WARS2: variants seen among roughly 807,000 people sequenced by gnomAD.
WARS2 encodes tryptophanyl tRNA synthetase 2, mitochondrial, also known as tryptophan--tRNA ligase, mitochondrial.
Under a neutral mutation model 36.5 loss-of-function variants are expected in WARS2, and 28 were observed. That is an observed-to-expected ratio of 0.77 (90% confidence interval 0.57 to 1.05). WARS2 has a LOEUF of 1.05. Among genes scored for constraint, WARS2 ranks in the 50% least tolerant of loss-of-function variants. The probability of loss-of-function intolerance (pLI) is 0.00; values close to 1 mark genes in which losing one functional copy is unlikely to be tolerated. For synonymous variants in WARS2, 174 were observed against 178.4 expected (o/e 0.98, Z 0.20); for missense variants, 435 against 456.8 (o/e 0.95, Z 0.44).
chr1:119,115,514 A>G (rs956604497), intron 1 of WARS2, among the ~76,000 whole-genome samples: 1 of 152,142 alleles, frequency 6.6e-6, no homozygotes, highest in South Asian at 2.1e-4. Context: ...CAGCAACCCA[A>G]TGTAGCATAG....
intron 2 of WARS2, 35 bp from the exon 3 acceptor site, chr1:119,045,697 C>T: frequency 6.6e-7 from 1 of 1,526,066 alleles, no homozygotes; most frequent in Non-Finnish European, 8.9e-7. Context: ...GTAAAGGTGG[C>T]CAGTGTTTTC....
chr1:119,101,141 G>A (rs947383587), intron 1 of WARS2, among the ~76,000 whole-genome samples: 4 of 152,112 alleles, frequency 2.6e-5, no homozygotes, highest in African/African-American at 9.7e-5. Context: ...TAAATTCAAT[G>A]TTTGGCAGCA....
At chr1:119,120,897 T>C (rs949305967) in intron 1 of WARS2, among the ~76,000 whole-genome samples, 2 of 151,952 alleles carry the variant, frequency 1.3e-5, no homozygotes, top group Non-Finnish European at 2.9e-5. Context: ...ATATATCTTA[T>C]GGTAATAAAA....
intron 1 of WARS2, among the ~76,000 whole-genome samples, chr1:119,082,186 T>C (rs2101354230): frequency 6.6e-6 from 1 of 152,304 alleles, no homozygotes; most frequent in East Asian, 1.9e-4. Flanking sequence ...CTTAAGGGCA[T>C]AAATGATAAG....
chr1:119,105,781 C>T (rs951026453), intron 1 of WARS2, among the ~76,000 whole-genome samples: 3 of 152,016 alleles, frequency 2.0e-5, no homozygotes, highest in Non-Finnish European at 4.4e-5. Flanking sequence ...TGTGGTAATG[C>T]GCGCTTGTAA....
rs368347174 is a variant in WARS2, at chr1:119,125,262, T to C, written c.90+15293A>G. Among the ~76,000 whole-genome samples, 15 of 152,258 alleles carry C rather than the reference T, an allele frequency of 9.9e-5. No individual in the cohort carries two copies. In the East Asian group the frequency reaches 2.7e-3, roughly 27 times the overall value. On this transcript the variant is annotated intron_variant, in intron 1 of 5. Transcript: ENST00000235521. ...TACTTTGTACATGTTCTCACCACCT[T>C]CAGGTCTTCCATTAAAAGTCACCTT...
chr1:119,063,823 C>T (rs551852217), intron 2 of WARS2: 24 of 152,212 alleles, frequency 1.6e-4, no homozygotes, highest in South Asian at 2.1e-4. Flanking sequence ...GATGCCCAGA[C>T]AAAAGTTTGC....
intron 2 of WARS2, among the ~76,000 whole-genome samples, chr1:119,047,192 C>T (rs1420855978): frequency 1.3e-5 from 2 of 152,158 alleles, no homozygotes; most frequent in African/African-American, 2.4e-5. Flanking sequence ...GGCAAGAGGA[C>T]TAGAGTTGCT....
At chr1:119,129,817 T>C (rs1488259928) in intron 1 of WARS2, among the ~76,000 whole-genome samples, 2 of 152,364 alleles carry the variant, frequency 1.3e-5, no homozygotes, top group East Asian at 3.9e-4. Context: ...TAATGACAAT[T>C]TGGTAAGCAA....
chr1:119,041,435 T>C (rs1248408659), intron 4 of WARS2, among the ~76,000 whole-genome samples: 3 of 152,156 alleles, frequency 2.0e-5, no homozygotes, highest in African/African-American at 7.2e-5. Flanking sequence ...TGTATATTTT[T>C]GAGGACTTTA....
intron 1 of WARS2, among the ~76,000 whole-genome samples, chr1:119,126,139 T>C (rs1655639107): frequency 6.6e-6 from 1 of 152,090 alleles, no homozygotes; most frequent in Non-Finnish European, 1.5e-5. Flanking sequence ...TCACTTGGAC[T>C]ATGTTCTCCC....
At chr1:119,103,625 C>T (rs1447649301) in intron 1 of WARS2, among the ~76,000 whole-genome samples, 3 of 151,688 alleles carry the variant, frequency 2.0e-5, no homozygotes, top group East Asian at 3.9e-4. Context: ...CTTCACCATA[C>T]TAGATTTTAA....
chr1:119,072,077 TG>T (rs1254906780), intron 2 of WARS2, among the ~76,000 whole-genome samples: 3 of 152,330 alleles, frequency 2.0e-5, no homozygotes, highest in East Asian at 3.9e-4. Flanking sequence ...AATGGGGTCA[TG>T]TGGCTAAGAT....
intron 2 of WARS2, among the ~76,000 whole-genome samples, chr1:119,070,620 G>A (rs1651225614): frequency 6.6e-6 from 1 of 151,696 alleles, no homozygotes; most frequent in Non-Finnish European, 1.5e-5. Flanking sequence ...GCTCACACCT[G>A]TACTCCCAGC....
In WARS2 at chr1:119,091,125, T is replaced by C. The variant is rs587625982; in HGVS notation, c.91-14518A>G. On this transcript the variant is annotated intron_variant, in intron 1 of 5. Coordinates refer to ENST00000235521, the MANE Select transcript of WARS2 (RefSeq NM_015836.4). ...TAGTGTAATCTAAAGGACTTGAGTT[T>C]TGAGGATCAGACAGTGCTAGGTTCA... 2.5e-4 allele frequency among the ~76,000 whole-genome samples: 38 copies of C among 152,340 alleles called. No homozygotes were observed. In the South Asian group the frequency reaches 7.9e-3, roughly 32 times the overall value.
chr1:119,134,520 T>C (rs1202098147), intron 1 of WARS2, among the ~76,000 whole-genome samples: 1 of 152,026 alleles, frequency 6.6e-6, no homozygotes, highest in Non-Finnish European at 1.5e-5. Context: ...ACTCAGGTGA[T>C]GGGTCAGTGC....
chr1:119,068,099 A>C (rs1651017029), intron 2 of WARS2, among the ~76,000 whole-genome samples: 1 of 152,198 alleles, frequency 6.6e-6, no homozygotes, highest in African/African-American at 2.4e-5. Context: ...GGTGATGCCA[A>C]TTTTACAAAT....
chr1:119,132,667 A>G (rs587649560), intron 1 of WARS2, among the ~76,000 whole-genome samples: 3 of 152,294 alleles, frequency 2.0e-5, no homozygotes, highest in Admixed American at 2.0e-4. Flanking sequence ...TTATTCATAT[A>G]ATAAAGTTGA....
chr1:119,054,241 A>T (rs1262302116), intron 2 of WARS2, among the ~76,000 whole-genome samples: 1 of 152,068 alleles, frequency 6.6e-6, no homozygotes, highest in Non-Finnish European at 1.5e-5. Context: ...AAGGATTTGA[A>T]TAGGCATTTC....
Sources: allele counts gnomAD v4.1 joint callset (sites outside exome capture counted in the v4.1 genomes callset), GRCh38; gene constraint gnomAD v4.1.1; transcripts MANE v1.5; gene names NCBI Gene and HGNC (gene_info 2026-07-23, HGNC 2026-07-21).